Variants in SCAP observed in about 807,000 individuals in gnomAD.
SCAP encodes sterol regulatory element-binding protein cleavage-activating protein.
Under a neutral mutation model 123.6 loss-of-function variants are expected in SCAP, and 65 were observed. That is an observed-to-expected ratio of 0.53 (90% CI 0.43 to 0.65). The LOEUF is 0.65. SCAP is among the 30% of genes least tolerant of loss of function. The pLI is 0.00. For missense variants in SCAP, 1,398 were observed against 1,712.5 expected (o/e 0.82, Z 3.24); for synonymous variants, 740 against 726.3 (o/e 1.02, Z -0.30).
chr3:47,458,910 A>G (rs1707527015), intron 1 of SCAP, among the ~76,000 whole-genome samples: 1 of 152,192 alleles, frequency 6.6e-6, no homozygotes, highest in Non-Finnish European at 1.5e-5. Context: ...GGTTCAAGCG[A>G]TTCTCTTGCC....
chr3:47,466,519 G>T (rs1707836762), intron 1 of SCAP, among the ~76,000 whole-genome samples: 1 of 152,078 alleles, frequency 6.6e-6, no homozygotes, highest in Non-Finnish European at 1.5e-5. Context: ...ACTGATTTTT[G>T]ACAAAGATGC....
At chr3:47,452,466 G>C (rs1707262139) in intron 1 of SCAP, among the ~76,000 whole-genome samples, 1 of 152,194 alleles carries the variant, frequency 6.6e-6, no homozygotes, top group East Asian at 1.9e-4. Flanking sequence ...TTCTAACTGT[G>C]ATACAAAGCA....
At chr3:47,463,435 C>T (rs1707718460) in intron 1 of SCAP, among the ~76,000 whole-genome samples, 1 of 152,214 alleles carries the variant, frequency 6.6e-6, no homozygotes, top group South Asian at 2.1e-4. Context: ...GGTGCGGTGG[C>T]TCGTGCCTGT....
rs1290304274 is a variant in SCAP, at chr3:47,451,180, A to G, written c.-98-8089T>C. On this transcript the variant is annotated intron_variant, in intron 1 of 22. Coordinates refer to ENST00000265565, the MANE Select transcript of SCAP (RefSeq NM_012235.4). ...TTTAAATAAACTTTTGAAGTTTAGT[A>G]TAACATATCACAGAAAAGCACACAA... Among the ~76,000 whole-genome samples the G allele has an allele frequency of 1.6e-5, 2 of 122,132 alleles. 1 individual carries two copies. Among genetic ancestry groups the G allele is most frequent in the Non-Finnish European group, 3.6e-5 (2 of 55,704 alleles). 80.1% of individuals were successfully genotyped at this position (122,132 alleles called of 152,430 possible).
Position 47,419,325 on chromosome 3 carries a change from C to T in SCAP, c.1940+3G>A, listed in dbSNP as rs1352197292. The T allele has an allele frequency of 1.9e-6, 3 of 1,602,568 alleles. No homozygotes were observed. The East Asian group carries it at 6.7e-5, about 36-fold the overall frequency. ...AGGTGGCACCTGGCACGGCCCAGCT[C>T]ACCTCTTGGCCAGTGTGATGTTGTA... On this transcript the variant is annotated splice_donor_region_variant and intron_variant, in intron 13 of 22. Coordinates refer to ENST00000265565, the MANE Select transcript of SCAP (RefSeq NM_012235.4). The surrounding 1 kb of genome is among the most constrained non-coding windows in gnomAD (Gnocchi z 5.0).
chr3:47,470,645 C>T (rs535548821), intron 1 of SCAP, among the ~76,000 whole-genome samples: 3 of 152,268 alleles, frequency 2.0e-5, no homozygotes, highest in Non-Finnish European at 2.9e-5. Context: ...GGCAGATCAC[C>T]GGAGGTCAGG....
At chr3:47,473,102 G>T (rs200769720) in intron 1 of SCAP, among the ~76,000 whole-genome samples, 6 of 39,036 alleles carry the variant, frequency 1.5e-4, no homozygotes, top group Admixed American at 8.4e-4. Flanking sequence ...AAAAAAAACA[G>T]ACTGTGGAAG....
At chr3:47,422,643 G>C in intron 9 of SCAP, 107 bp from the exon 10 acceptor site, 1 of 870,234 alleles carries the variant, frequency 1.1e-6, no homozygotes, top group South Asian at 1.7e-5. Context: ...AGGCCCCCCA[G>C]CCCTTTGAAG....
chr3:47,465,612 T>A (rs1409443207), intron 1 of SCAP, among the ~76,000 whole-genome samples: 1 of 151,788 alleles, frequency 6.6e-6, no homozygotes, highest in African/African-American at 2.4e-5. Flanking sequence ...CTACAAAAAA[T>A]TTTTTAATTA....
At chr3:47,431,860 A>G (rs538909412) in intron 3 of SCAP, among the ~76,000 whole-genome samples, 2 of 152,298 alleles carry the variant, frequency 1.3e-5, no homozygotes, top group Admixed American at 6.5e-5. Context: ...CATAGTCCAC[A>G]CTTTAGGATA....
chr3:47,442,953 G>C lies in SCAP; in HGVS notation c.41C>G (p.Ala14Gly), dbSNP rs1706863726. ...TERLREKISRAFYNHGLLCAS... is the reference protein window; with the variant it reads ...TERLREKISRGFYNHGLLCAS... ...ACAGAGGAGCCCATGGTTGTAGAAG[G>C]CCCGAGATATCTTCTCACGCAGCCT... Residue 14 changes from alanine to glycine, a missense_variant, in exon 2 of 23, where the codon GCC becomes GGC. Ala to Gly is a moderately conservative substitution (Grantham distance 60, BLOSUM62 0). This residue lies in a region of SCAP where 319 missense variants were observed against 432.4 expected (regional missense o/e 0.74). Coordinates refer to ENST00000265565, the MANE Select transcript of SCAP (RefSeq NM_012235.4). 1 of 1,613,988 alleles carries C rather than the reference G, an allele frequency of 6.2e-7. No individual in the cohort carries two copies. The highest frequency in any genetic ancestry group is 1.7e-5 in the Admixed American group (1 of 59,982).
At chr3:47,467,247 A>G (rs2108018039) in intron 1 of SCAP, among the ~76,000 whole-genome samples, 1 of 152,254 alleles carries the variant, frequency 6.6e-6, no homozygotes, top group Middle Eastern at 3.4e-3. Flanking sequence ...CAACTCAACA[A>G]TAACAACAAA....
intron 1 of SCAP, among the ~76,000 whole-genome samples, chr3:47,456,475 A>G (rs1707427688): frequency 6.6e-6 from 1 of 152,014 alleles, no homozygotes; most frequent in African/African-American, 2.4e-5. Context: ...AAATATAAAA[A>G]TTACTTTAGG....
intron 1 of SCAP, among the ~76,000 whole-genome samples, chr3:47,467,804 C>T (rs894784152): frequency 2.6e-5 from 4 of 152,026 alleles, no homozygotes; most frequent in Admixed American, 6.6e-5. Context: ...CATACATGTG[C>T]CATGTTGGTG....
rs1411685689 is a variant in SCAP, at chr3:47,426,071, T to G, written c.836A>C (p.Glu279Ala). The G allele has an allele frequency of 6.2e-7, 1 of 1,614,070 alleles. No individual in the cohort carries two copies. The highest frequency in any genetic ancestry group is 8.5e-7 in the Non-Finnish European group (1 of 1,179,980). Residue 279 changes from glutamate to alanine, a missense_variant, in exon 7 of 23, where the codon GAG (glutamate) becomes GCG (alanine). Coordinates refer to ENST00000265565, the MANE Select transcript of SCAP (RefSeq NM_012235.4). ...GGGGATGAGCTCAGCGACACCAATC[T>G]CCTCCTTGAAGTGCACGTGGACCAG... ...ESLVHVHFKE[E>A]IGVAELIPLV... is the part of the protein sequence containing the mutation.
At chr3:47,465,128 A>C (rs1707775930) in intron 1 of SCAP, among the ~76,000 whole-genome samples, 1 of 152,206 alleles carries the variant, frequency 6.6e-6, no homozygotes, top group Non-Finnish European at 1.5e-5. Flanking sequence ...AAGGGAAAGA[A>C]ATCCCACTTT....
intron 3 of SCAP, 41 bp downstream of exon 3, chr3:47,434,967 C>T: frequency 6.2e-7 from 1 of 1,613,864 alleles, no homozygotes; most frequent in African/African-American, 1.3e-5. Context: ...AGTCTCCACC[C>T]AACGCTCTGT....
chr3:47,434,068 C>A (rs1194509756), intron 3 of SCAP, among the ~76,000 whole-genome samples: 1 of 152,160 alleles, frequency 6.6e-6, no homozygotes, highest in African/African-American at 2.4e-5. Context: ...TGGTGCACTC[C>A]CCACTGACAC....
intron 1 of SCAP, among the ~76,000 whole-genome samples, chr3:47,466,936 A>G (rs911079275): frequency 6.6e-6 from 1 of 151,488 alleles, no homozygotes; most frequent in African/African-American, 2.4e-5. Context: ...AAATAAATAC[A>G]AAAAAAATTA....
Sources: gnomAD v4.1 joint callset for allele counts (sites outside exome capture counted in the v4.1 genomes callset) on GRCh38, gnomAD v4.1.1 for gene constraint, gnomAD v4.1.1 regional missense constraint, Gnocchi (gnomAD v3.1) non-coding constraint, MANE v1.5 for transcripts, NCBI Gene and HGNC (gene_info 2026-07-23, HGNC 2026-07-21) for gene names.